The following EYA1 variants were observed in gnomAD, a reference collection of about 807,000 sequenced individuals.
EYA1 encodes the protein protein phosphatase EYA1.
EYA1 carries 16 observed loss-of-function variants against 82.0 expected under a neutral mutation model. The ratio of observed to expected loss-of-function variants is 0.20; its 90% CI spans 0.13 to 0.30. EYA1 has a LOEUF of 0.30. Ranked by LOEUF, EYA1 falls within the 10% of genes least tolerant of loss-of-function variation. EYA1 has a pLI of 1.00. For synonymous variants in EYA1, 261 were observed against 264.4 expected (o/e 0.99, Z 0.12); for missense variants, 633 against 730.7 (o/e 0.87, Z 1.54).
chr8:71,284,812 C>T (rs186874103), intron 9 of EYA1, among the ~76,000 whole-genome samples: 1 of 152,206 alleles, frequency 6.6e-6, no homozygotes. Flanking sequence ...CTTCCCTATC[C>T]TCTGTCCCTC....
At chr8:71,220,036 T>C (rs1809699226) in intron 12 of EYA1, among the ~76,000 whole-genome samples, 1 of 152,160 alleles carries the variant, frequency 6.6e-6, no homozygotes, top group Non-Finnish European at 1.5e-5. Context: ...CAGAAGGGGC[T>C]CTGGGCACCG....
intron 2 of EYA1, among the ~76,000 whole-genome samples, chr8:71,527,015 A>T (rs943758404): frequency 1.3e-5 from 2 of 152,260 alleles, no homozygotes; most frequent in Non-Finnish European, 2.9e-5. Flanking sequence ...TGTATATGAT[A>T]CTATACATAA....
chr8:71,376,119 T>C (rs1828355267), intron 2 of EYA1, among the ~76,000 whole-genome samples: 1 of 152,224 alleles, frequency 6.6e-6, no homozygotes, highest in Admixed American at 6.5e-5. Context: ...GCTATTATAG[T>C]TAGCCAAAGA....
At position 71,199,418 on chromosome 8, in the gene EYA1, G is replaced by A. The variant is rs763080811; in HGVS notation, c.1701C>T (p.His567=). 31 of 1,611,580 alleles carry A rather than the reference G, an allele frequency of 1.9e-5. No homozygotes were observed. The highest frequency in any genetic ancestry group is 6.7e-5 in the Admixed American group (4 of 59,974). ...TGGAGATCCTCCAGAAGGGCATCGCGTGCTGCAGCAGAGGCACACATACAT... is the reference window on the plus strand; with the variant it reads ...TGGAGATCCTCCAGAAGGGCATCGCATGCTGCAGCAGAGGCACACATACAT... ...GVEEEQGAKK[H]AMPFWRISSH... Residue 567 remains histidine, a splice_region_variant and synonymous_variant, in exon 18 of 18, where the codon CAC becomes CAT. Transcript: ENST00000340726.
intron 11 of EYA1, among the ~76,000 whole-genome samples, chr8:71,259,248 C>T (rs927399649): frequency 2.0e-5 from 3 of 152,254 alleles, no homozygotes; most frequent in East Asian, 1.9e-4. Flanking sequence ...CTCCCTCTCC[C>T]GCACAGCAGA....
At chr8:71,465,362 C>T (rs1808699565) in intron 2 of EYA1, among the ~76,000 whole-genome samples, 1 of 152,170 alleles carries the variant, frequency 6.6e-6, no homozygotes, top group African/African-American at 2.4e-5. Flanking sequence ...GTAGCTCACA[C>T]CTATAATCCC....
intron 2 of EYA1, among the ~76,000 whole-genome samples, chr8:71,464,745 A>T (rs1808656070): frequency 1.3e-5 from 2 of 152,238 alleles, no homozygotes; most frequent in Admixed American, 1.3e-4. Context: ...ATTATAACCT[A>T]CATTAATCAT....
chr8:71,431,614 C>A (rs975039328), intron 2 of EYA1, among the ~76,000 whole-genome samples: 3 of 152,184 alleles, frequency 2.0e-5, no homozygotes, highest in Non-Finnish European at 4.4e-5. Context: ...CAAGAAGACA[C>A]TACCCACCAG....
chr8:71,542,919 ATTTG>A (rs1277420936), intron 1 of EYA1, among the ~76,000 whole-genome samples: 3 of 151,806 alleles, frequency 2.0e-5, no homozygotes, highest in African/African-American at 7.3e-5. Context: ...TTTCTTGTAA[ATTTG>A]TTTAAGTTCC....
chr8:71,293,528 G>T (rs1819229562), intron 9 of EYA1, among the ~76,000 whole-genome samples: 1 of 152,000 alleles, frequency 6.6e-6, no homozygotes, highest in Non-Finnish European at 1.5e-5. Context: ...GAACATAAAT[G>T]CAAAGATCCT....
intron 12 of EYA1, among the ~76,000 whole-genome samples, chr8:71,234,079 C>A (rs1043400701): frequency 5.3e-5 from 8 of 152,312 alleles, no homozygotes; most frequent in Admixed American, 3.3e-4. Context: ...TCCTGGACTG[C>A]ACTGTACCTG....
chr8:71,251,437 A>C (rs1464795444), intron 11 of EYA1, among the ~76,000 whole-genome samples: 1 of 152,186 alleles, frequency 6.6e-6, no homozygotes, highest in African/African-American at 2.4e-5. Flanking sequence ...CACACACAGG[A>C]ATGAAATCTA....
At chr8:71,338,987 C>G (rs555965046) in intron 3 of EYA1, among the ~76,000 whole-genome samples, 1 of 152,304 alleles carries the variant, frequency 6.6e-6, no homozygotes, top group East Asian at 1.9e-4. Context: ...TACCATCCCT[C>G]TCCCACTCTT....
At chr8:71,396,035 G>A (rs192740192) in intron 2 of EYA1, among the ~76,000 whole-genome samples, 11 of 152,000 alleles carry the variant, frequency 7.2e-5, no homozygotes, top group Middle Eastern at 3.2e-3. Context: ...TGTATGTGTC[G>A]AGGAATTTAT....
intron 1 of EYA1, among the ~76,000 whole-genome samples, chr8:71,358,530 G>T (rs1827104645): frequency 6.6e-6 from 1 of 152,132 alleles, no homozygotes; most frequent in African/African-American, 2.4e-5. Flanking sequence ...CCTCACTTAG[G>T]CTGGTCAGCT....
chr8:71,500,075 A>G (rs1811705496), intron 2 of EYA1, among the ~76,000 whole-genome samples: 1 of 152,184 alleles, frequency 6.6e-6, no homozygotes, highest in Non-Finnish European at 1.5e-5. Flanking sequence ...AGGCATGTTT[A>G]ATTGTGCTCT....
At chr8:71,532,749 A>C (rs2129285046) in intron 2 of EYA1, among the ~76,000 whole-genome samples, 1 of 152,326 alleles carries the variant, frequency 6.6e-6, no homozygotes, top group African/African-American at 2.4e-5. Flanking sequence ...AGCAGGTGTA[A>C]TTCTGTGAGC....
chr8:71,311,344 G>A (rs1821313562), intron 7 of EYA1, among the ~76,000 whole-genome samples: 1 of 152,228 alleles, frequency 6.6e-6, no homozygotes, highest in African/African-American at 2.4e-5. Context: ...CTTCTGCTAA[G>A]CAGTTTTCTT....
intron 2 of EYA1, among the ~76,000 whole-genome samples, chr8:71,481,459 A>AT (rs1180449473): frequency 2.0e-5 from 3 of 152,194 alleles, no homozygotes; most frequent in African/African-American, 7.2e-5. Flanking sequence ...GCAAGAACTT[A>AT]TTTTTTGATA....
Sources: gnomAD v4.1 joint callset for allele counts (sites outside exome capture counted in the v4.1 genomes callset) on GRCh38, gnomAD v4.1.1 for gene constraint, MANE v1.5 for transcripts, NCBI Gene and HGNC (gene_info 2026-07-23, HGNC 2026-07-21) for gene names.